The following ANTXR1 variants were observed in gnomAD, a reference collection of about 807,000 sequenced individuals.
ANTXR1 encodes ANTXR cell adhesion molecule 1.
In ANTXR1, 19 loss-of-function variants were observed where a neutral mutation model predicts 78.1. The ratio of observed to expected loss-of-function variants is 0.24; its 90% CI spans 0.17 to 0.36. The LOEUF (loss-of-function observed/expected upper bound fraction) is 0.36. Among genes scored for constraint, ANTXR1 ranks in the 10% least tolerant of loss-of-function variants. The pLI is 1.00. For missense variants in ANTXR1, 518 were observed against 718.6 expected (o/e 0.72, Z 3.19); for synonymous variants, 273 against 260.5 (o/e 1.05, Z -0.46).
intron 17 of ANTXR1, among the ~76,000 whole-genome samples, chr2:69,224,761 G>A (rs1030637436): frequency 3.9e-5 from 6 of 152,166 alleles, no homozygotes; most frequent in African/African-American, 1.2e-4. Context: ...TGAAAATGAC[G>A]TAAGAGGCAG....
chr2:69,034,395 A>G (rs1477842928), intron 1 of ANTXR1, among the ~76,000 whole-genome samples: 2 of 152,194 alleles, frequency 1.3e-5, no homozygotes, highest in Admixed American at 6.5e-5. Flanking sequence ...ACTATCTTCA[A>G]GCAGAATTCC....
rs960015611 is a variant in ANTXR1, at chr2:69,152,061, G to A, written c.952-108G>A. 93 of 1,117,464 alleles carry A rather than the reference G, an allele frequency of 8.3e-5. 1 individual carries two copies. The African/African-American group carries it at 1.2e-3, about 14-fold the overall frequency. 69.2% of individuals were successfully genotyped at this position (1,117,464 alleles called of 1,614,324 possible). A position where few individuals can be genotyped will look rare whatever the true frequency, so the allele number is the denominator to read the frequency against. ...GTTTCAACCATTTGCTTGGCAAACT[G>A]TGCTGCTCTCTGAGCCTTAAATCTG... On this transcript the variant is annotated intron_variant, in intron 12 of 17. Coordinates refer to ENST00000303714, the MANE Select transcript of ANTXR1 (RefSeq NM_032208.3).
intron 17 of ANTXR1, among the ~76,000 whole-genome samples, chr2:69,214,705 AG>A: frequency 6.6e-6 from 1 of 152,292 alleles, no homozygotes; most frequent in South Asian, 2.1e-4. Context: ...AGGTGAGCAG[AG>A]GTAGGAGAAA....
At chr2:69,034,279 G>A (rs1671612287) in intron 1 of ANTXR1, among the ~76,000 whole-genome samples, 1 of 152,196 alleles carries the variant, frequency 6.6e-6, no homozygotes, top group Admixed American at 6.5e-5. Context: ...GGTCTAGTGA[G>A]CCCTTCTCCA....
chr2:69,161,070 A>G (rs1383129231), intron 13 of ANTXR1, among the ~76,000 whole-genome samples: 1 of 152,138 alleles, frequency 6.6e-6, no homozygotes, highest in East Asian at 1.9e-4. Flanking sequence ...TGACACTACT[A>G]GTGTCTAAAA....
chr2:69,167,491 G>A lies in ANTXR1; in HGVS notation c.1048-2757G>A, dbSNP rs551376566. The stretch of plus-strand genomic sequence containing the variant: ...TTTGGGTGGCCCATGTGCTGGTCTT[G>A]GCACAAGGATTTGGCCCACTCACGG... On this transcript the variant is annotated intron_variant, in intron 13 of 17. Coordinates refer to ENST00000303714, the MANE Select transcript of ANTXR1 (RefSeq NM_032208.3). Among the ~76,000 whole-genome samples, 3 of 152,288 alleles carry A rather than the reference G, an allele frequency of 2.0e-5. No homozygotes were observed. The South Asian group carries it at 6.2e-4, about 32-fold the overall frequency.
intron 10 of ANTXR1, among the ~76,000 whole-genome samples, chr2:69,119,268 C>A (rs565017999): frequency 6.6e-6 from 1 of 152,158 alleles, no homozygotes; most frequent in African/African-American, 2.4e-5. Context: ...CGCTGCAGTG[C>A]GCTGCCTCGG....
intron 3 of ANTXR1, among the ~76,000 whole-genome samples, chr2:69,048,628 C>T (rs114149479): frequency 6.6e-6 from 1 of 152,174 alleles, no homozygotes; most frequent in African/African-American, 2.4e-5. Flanking sequence ...TTACCAACAA[C>T]TTGAACAGTT....
intron 17 of ANTXR1, among the ~76,000 whole-genome samples, chr2:69,235,722 T>C (rs1423199548): frequency 2.3e-5 from 3 of 132,976 alleles, no homozygotes; most frequent in Non-Finnish European, 4.5e-5. Flanking sequence ...TAAACTTATT[T>C]AACTTCTGTA....
intron 14 of ANTXR1, among the ~76,000 whole-genome samples, chr2:69,181,377 C>G (rs1244901200): frequency 1.3e-5 from 2 of 152,164 alleles, no homozygotes; most frequent in Non-Finnish European, 2.9e-5. Flanking sequence ...CAGGACATCT[C>G]TGCTGTGGTG....
chr2:69,243,034 G>T (rs1037763757), intron 17 of ANTXR1, among the ~76,000 whole-genome samples: 5 of 152,200 alleles, frequency 3.3e-5, no homozygotes, highest in African/African-American at 4.8e-5. Flanking sequence ...TTAGCACCTG[G>T]TTTAATCACA....
At position 69,245,357 on chromosome 2, in the gene ANTXR1, C is replaced by G; in HGVS notation, c.1567C>G (p.Pro523Ala). The change falls in exon 18 of 18, where the codon CCC becomes GCC. Residue 523 changes from proline to alanine, a missense_variant. Coordinates refer to ENST00000303714, the MANE Select transcript of ANTXR1 (RefSeq NM_032208.3). ...TPPPPAPHCP[P>A]PPPSAPTPPI... ...CCCACCTCCTGCGCCCCACTGCCCTCCCCCGCCCCCCAGCGCCCCTACCCC... is the reference window on the plus strand; with the variant it reads ...CCCACCTCCTGCGCCCCACTGCCCTGCCCCGCCCCCCAGCGCCCCTACCCC... The G allele has an allele frequency of 7.6e-7, 1 of 1,322,512 alleles. No homozygotes were observed. The allele number at this position is 1,322,512 out of a possible 1,614,324, so 81.9% of individuals were successfully genotyped here.
chr2:69,042,680 G>A (rs1431783271), intron 2 of ANTXR1, among the ~76,000 whole-genome samples: 1 of 152,054 alleles, frequency 6.6e-6, no homozygotes, highest in Non-Finnish European at 1.5e-5. Flanking sequence ...TTAAAGACTG[G>A]CCATCTCCAT....
chr2:69,233,728 AAAGAC>A (rs894316786), intron 17 of ANTXR1, among the ~76,000 whole-genome samples: 56 of 152,058 alleles, frequency 3.7e-4, no homozygotes, highest in African/African-American at 1.3e-3. Context: ...TATTCCCACT[AAAGAC>A]AAGAATAAGA....
intron 3 of ANTXR1, among the ~76,000 whole-genome samples, chr2:69,057,889 C>T (rs1670111142): frequency 6.6e-6 from 1 of 152,150 alleles, no homozygotes; most frequent in African/African-American, 2.4e-5. Context: ...AGTGCTACTC[C>T]AGTGAACACA....
chr2:69,118,315 G>A (rs1198763644), intron 10 of ANTXR1, among the ~76,000 whole-genome samples: 1 of 151,834 alleles, frequency 6.6e-6, no homozygotes, highest in Non-Finnish European at 1.5e-5. Context: ...ACTAGGGTGG[G>A]GTGGGTGAGG....
At chr2:69,058,092 T>G (rs1033725061) in intron 3 of ANTXR1, among the ~76,000 whole-genome samples, 6 of 152,180 alleles carry the variant, frequency 3.9e-5, no homozygotes, top group Non-Finnish European at 8.8e-5. Flanking sequence ...TCATGAGGTT[T>G]AAGGAAAGAC....
chr2:69,073,220 A>G, intron 6 of ANTXR1, 119 bp downstream of exon 6: 1 of 814,628 alleles, frequency 1.2e-6, no homozygotes, highest in East Asian at 2.6e-5. Flanking sequence ...CCTGAATGAA[A>G]TAGAGTTTCA....
At chr2:69,163,670 T>A (rs1040130826) in intron 13 of ANTXR1, among the ~76,000 whole-genome samples, 2 of 152,190 alleles carry the variant, frequency 1.3e-5, no homozygotes, top group East Asian at 3.8e-4. Context: ...AGGTTTTTAA[T>A]GAGGAAAAGA....
Sources: gnomAD v4.1 joint callset for allele counts (sites outside exome capture counted in the v4.1 genomes callset) on GRCh38, gnomAD v4.1.1 for gene constraint, MANE v1.5 for transcripts, NCBI Gene and HGNC (gene_info 2026-07-23, HGNC 2026-07-21) for gene names.